Variants in HDLBP observed in about 807,000 individuals in gnomAD.
HDLBP encodes the protein vigilin.
A neutral mutation model predicts 137.3 loss-of-function variants in HDLBP; 30 were observed. That is an observed-to-expected ratio of 0.22 (90% CI 0.16 to 0.30). The LOEUF (loss-of-function observed/expected upper bound fraction) is 0.30. Among genes scored for constraint, HDLBP ranks in the 10% least tolerant of loss-of-function variants. HDLBP has a pLI of 1.00. For synonymous variants in HDLBP, 606 were observed against 596.0 expected, an observed-to-expected ratio of 1.02 and a Z score of -0.24; for missense variants, 1,119 against 1,667.3, an observed-to-expected ratio of 0.67 and a Z score of 5.73.
intron 5 of HDLBP, among the ~76,000 whole-genome samples, chr2:241,260,999 TG>T (rs1333927356): frequency 2.7e-5 from 4 of 150,336 alleles, no homozygotes; most frequent in Admixed American, 1.3e-4. Context: ...GAGACCAGAG[TG>T]GGCAACATGG....
intron 1 of HDLBP, among the ~76,000 whole-genome samples, chr2:241,314,639 C>A (rs1465079968): frequency 6.6e-6 from 1 of 152,208 alleles, no homozygotes; most frequent in Non-Finnish European, 1.5e-5. Flanking sequence ...CGACTTCCTT[C>A]GATTTTACAT....
At chr2:241,274,468 T>G (rs552090769) in intron 1 of HDLBP, among the ~76,000 whole-genome samples, 1 of 152,316 alleles carries the variant, frequency 6.6e-6, no homozygotes, top group African/African-American at 2.4e-5. Flanking sequence ...AATCAGCAAC[T>G]AGTGCAAGTG....
Position 241,240,226 on chromosome 2 carries a change from T to G in HDLBP, c.2170-104A>C. On this transcript the variant is annotated intron_variant, in intron 17 of 27. Coordinates refer to ENST00000310931, the MANE Select transcript of HDLBP (RefSeq NM_005336.6). The surrounding 1 kb of genome is among the most constrained non-coding windows in gnomAD (Gnocchi z 5.5). Reference sequence around the variant, plus strand: ...ACAGCAAGCTCGGGCTCCCCTTACATTGTCACCAGTGTCCTGATGTTGCAC... The same window carrying G: ...ACAGCAAGCTCGGGCTCCCCTTACAGTGTCACCAGTGTCCTGATGTTGCAC... 9.3e-7 allele frequency: 1 copy of G among 1,080,736 alleles called. No homozygotes were observed. The highest frequency in any genetic ancestry group is 1.4e-6 in the Non-Finnish European group (1 of 699,672). 66.9% of individuals were successfully genotyped at this position (1,080,736 alleles called of 1,614,324 possible).
chr2:241,295,034 G>A (rs150533240), intron 1 of HDLBP, among the ~76,000 whole-genome samples: 3,987 of 152,142 alleles, frequency 0.026, 402 homozygotes, highest in Admixed American at 0.18. Context: ...CCCGGGAGGC[G>A]GAGGCTGCAG....
intron 1 of HDLBP, among the ~76,000 whole-genome samples, chr2:241,290,933 T>C (rs1020913652): frequency 6.6e-6 from 1 of 152,218 alleles, no homozygotes; most frequent in Non-Finnish European, 1.5e-5. Flanking sequence ...GAAAAATATG[T>C]GCCATGAAAA....
chr2:241,304,265 CA>C (rs1418552894), intron 1 of HDLBP, among the ~76,000 whole-genome samples: 1 of 152,238 alleles, frequency 6.6e-6, no homozygotes, highest in Non-Finnish European at 1.5e-5. Flanking sequence ...ATCACCAATA[CA>C]TTAATAGCAC....
chr2:241,264,639 T>A (rs1262149756), intron 3 of HDLBP, 34 bp from the exon 4 acceptor site: 1 of 1,598,666 alleles, frequency 6.3e-7, no homozygotes. Flanking sequence ...AAGGAAGCAC[T>A]ACTTTTAGCA....
chr2:241,275,018 G>C (rs1300992833), intron 1 of HDLBP, among the ~76,000 whole-genome samples: 2 of 152,146 alleles, frequency 1.3e-5, no homozygotes, highest in African/African-American at 2.4e-5. Context: ...AAGCCCACTA[G>C]TGTAGAGGGG....
At chr2:241,313,468 CA>C (rs1171877039) in intron 1 of HDLBP, among the ~76,000 whole-genome samples, 6 of 152,078 alleles carry the variant, frequency 3.9e-5, no homozygotes, top group Admixed American at 3.9e-4. Context: ...TTAGTAGAGA[CA>C]GGGTTTCACC....
At position 241,229,286 on chromosome 2, in the gene HDLBP, C is replaced by T. The variant is rs1436616255; in HGVS notation, c.*315G>A. On this transcript the variant is annotated 3_prime_UTR_variant, in exon 28 of 28. Coordinates refer to ENST00000310931, the MANE Select transcript of HDLBP (RefSeq NM_005336.6). ...GGAAGTGGAATCCTAGCCACGGCTGCGGAGCTCTCGTGATGAAGGCCAGAG... is the reference window on the plus strand; with the variant it reads ...GGAAGTGGAATCCTAGCCACGGCTGTGGAGCTCTCGTGATGAAGGCCAGAG... 2.6e-5 allele frequency: 8 copies of T among 303,858 alleles called. No individual in the cohort carries two copies. The highest frequency in any genetic ancestry group is 1.9e-4 in the South Asian group (6 of 30,798). The allele number at this position is 303,858 out of a possible 1,614,324, so 18.8% of individuals were successfully genotyped here.
chr2:241,241,786 G>C (rs1171407883), intron 17 of HDLBP, among the ~76,000 whole-genome samples: 1 of 152,052 alleles, frequency 6.6e-6, no homozygotes, highest in African/African-American at 2.4e-5. Context: ...ATAAAAATGT[G>C]CTAAAAATTA....
chr2:241,239,457 G>A lies in HDLBP; in HGVS notation c.2610+145C>T, dbSNP rs1007967461. 18 of 632,864 alleles carry A rather than the reference G, an allele frequency of 2.8e-5. No individual in the cohort carries two copies. Among genetic ancestry groups the A allele is most frequent in the African/African-American group, 7.3e-5 (4 of 54,582 alleles). The allele number at this position is 632,864 out of a possible 1,614,324, so 39.2% of individuals were successfully genotyped here. On this transcript the variant is annotated intron_variant, in intron 19 of 27. Transcript: ENST00000310931. The surrounding 1 kb of genome is among the most constrained non-coding windows in gnomAD (Gnocchi z 4.6). Reference sequence around the variant, plus strand: ...GGCCAGACAGGCTGAGGAAAGAAGAGCGAGCACCAGAAAGCCCCTTCTGAA... The same window carrying A: ...GGCCAGACAGGCTGAGGAAAGAAGAACGAGCACCAGAAAGCCCCTTCTGAA...
At chr2:241,237,310 G>A (rs1240186719) in intron 20 of HDLBP, among the ~76,000 whole-genome samples, 2 of 152,208 alleles carry the variant, frequency 1.3e-5, no homozygotes, top group Admixed American at 6.5e-5. Flanking sequence ...GAGAGCCCCA[G>A]AAGTGAAGAG....
rs1454687742 is a variant in HDLBP, at chr2:241,248,366, GT to G, written c.1513-19del. The G allele has an allele frequency of 6.3e-7, 1 of 1,582,038 alleles. No individual in the cohort carries two copies. The highest frequency in any genetic ancestry group is 8.7e-7 in the Non-Finnish European group (1 of 1,150,748). ...TCATTTTCCTAAAAATACAATTAAA[GT>G]AGATGTCATTTATCACAAGCACGGC... On this transcript the variant is annotated intron_variant, in intron 12 of 27. Transcript: ENST00000310931.
chr2:241,234,349 T>C (rs2070145922), intron 23 of HDLBP, among the ~76,000 whole-genome samples: 1 of 152,192 alleles, frequency 6.6e-6, no homozygotes, highest in African/African-American at 2.4e-5. Flanking sequence ...CTGGGGCAGA[T>C]GCAGACCAAG....
chr2:241,302,590 A>G (rs2075431955), intron 1 of HDLBP: 1 of 152,046 alleles, frequency 6.6e-6, no homozygotes, highest in Non-Finnish European at 1.5e-5. Flanking sequence ...TTTAAAAACT[A>G]TTTCTCCCAA....
intron 1 of HDLBP, among the ~76,000 whole-genome samples, chr2:241,298,871 G>A (rs1437420304): frequency 6.6e-6 from 1 of 152,194 alleles, no homozygotes; most frequent in African/African-American, 2.4e-5. Flanking sequence ...CATTAAAAGT[G>A]TCAAGCTCAG....
Position 241,256,386 on chromosome 2 carries a change from A to G in HDLBP, c.671T>C (p.Val224Ala). 7 of 1,608,574 alleles carry G rather than the reference A, an allele frequency of 4.4e-6. No individual in the cohort carries two copies. The highest frequency in any genetic ancestry group is 5.9e-6 in the Non-Finnish European group (7 of 1,176,552). The change falls in exon 7 of 28, where the codon GTG (valine) becomes GCG (alanine). Residue 224 changes from valine (V) to alanine (A), a missense_variant. By Grantham distance (64) the Val-to-Ala change is moderately conservative (BLOSUM62 0). Transcript: ENST00000310931. Reference protein sequence around the residue: ...LISAEQDKRAVERLEVEKAFH... With the variant: ...LISAEQDKRAAERLEVEKAFH... ...TGCCTTTTCTACTTCTAGCCTCTCC[A>G]CAGCACGTTTGTCCTGGAAAGGAAG...
chr2:241,308,584 C>T (rs376579645), intron 1 of HDLBP, among the ~76,000 whole-genome samples: 9 of 152,298 alleles, frequency 5.9e-5, no homozygotes, highest in African/African-American at 1.9e-4. Context: ...GGTAATTGTG[C>T]TTGCAGAAAA....
Sources: gnomAD v4.1 joint callset for allele counts (sites outside exome capture counted in the v4.1 genomes callset) on GRCh38, gnomAD v4.1.1 for gene constraint, Gnocchi (gnomAD v3.1) non-coding constraint, MANE v1.5 for transcripts, NCBI Gene and HGNC (gene_info 2026-07-23, HGNC 2026-07-21) for gene names.